The following ATP6V1D variants were observed in gnomAD, a reference collection of about 807,000 sequenced individuals.
The protein encoded by ATP6V1D is ATPase H+ transporting V1 subunit D.
ATP6V1D carries 20 observed loss-of-function variants against 39.4 expected under a neutral mutation model. That is an observed-to-expected ratio of 0.51 (90% CI 0.36 to 0.74). The LOEUF is 0.74. ATP6V1D is among the 30% of genes least tolerant of loss of function. ATP6V1D has a pLI of 0.00. For missense variants in ATP6V1D, 228 were observed against 291.6 expected (o/e 0.78, Z 1.59); for synonymous variants, 100 against 100.5 (o/e 0.99, Z 0.03).
At chr14:67,355,711 C>G (rs1354174125) in intron 1 of ATP6V1D, among the ~76,000 whole-genome samples, 1 of 151,560 alleles carries the variant, frequency 6.6e-6, no homozygotes, top group Non-Finnish European at 1.5e-5. Context: ...GAAGAATGCT[C>G]TAAATAAGGT....
intron 6 of ATP6V1D, 98 bp downstream of exon 6, chr14:67,345,670 G>C (rs1374993070): frequency 1.4e-6 from 1 of 733,302 alleles, no homozygotes; most frequent in Admixed American, 2.4e-5. Flanking sequence ...ACAGTTAAAA[G>C]TACAAAGCAC....
chr14:67,348,513 CTTCT>C (rs1259042346), intron 4 of ATP6V1D, among the ~76,000 whole-genome samples: 2 of 150,376 alleles, frequency 1.3e-5, no homozygotes, highest in African/African-American at 2.4e-5. Context: ...TGGAACCTGA[CTTCT>C]TTATTTTTTT....
At chr14:67,359,559 C>T in intron 1 of ATP6V1D, 99 bp downstream of exon 1, 1 of 1,371,806 alleles carries the variant, frequency 7.3e-7, no homozygotes, top group Non-Finnish European at 1.0e-6. Context: ...TCAGGATCCT[C>T]CCAGGAAACA....
chr14:67,356,035 G>A (rs1434773375), intron 1 of ATP6V1D, among the ~76,000 whole-genome samples: 1 of 151,942 alleles, frequency 6.6e-6, no homozygotes, highest in Non-Finnish European at 1.5e-5. Flanking sequence ...TCAACAATAA[G>A]GTTGTATAAC....
At chr14:67,355,017 G>A (rs2085676424) in intron 1 of ATP6V1D, among the ~76,000 whole-genome samples, 1 of 151,924 alleles carries the variant, frequency 6.6e-6, no homozygotes, top group Non-Finnish European at 1.5e-5. Flanking sequence ...TCTCCATGTT[G>A]GTCAGGCTGG....
At chr14:67,356,350 G>A (rs1289333272) in intron 1 of ATP6V1D, among the ~76,000 whole-genome samples, 1 of 151,760 alleles carries the variant, frequency 6.6e-6, no homozygotes, top group African/African-American at 2.4e-5. Flanking sequence ...GAACCTGGCA[G>A]GCAGAGGTTG....
chr14:67,356,364 T>C (rs2085684816), intron 1 of ATP6V1D, among the ~76,000 whole-genome samples: 1 of 150,730 alleles, frequency 6.6e-6, no homozygotes, highest in Non-Finnish European at 1.5e-5. Flanking sequence ...GAGGTTGCAG[T>C]GAGCCAAGAT....
intron 1 of ATP6V1D, among the ~76,000 whole-genome samples, chr14:67,353,287 A>T (rs2085667416): frequency 6.6e-6 from 1 of 152,216 alleles, no homozygotes; most frequent in Admixed American, 6.5e-5. Context: ...TGACTGGGTC[A>T]TCTGGGATCT....
At chr14:67,348,571 G>T (rs1467028899) in intron 4 of ATP6V1D, among the ~76,000 whole-genome samples, 2 of 151,820 alleles carry the variant, frequency 1.3e-5, no homozygotes, top group Non-Finnish European at 2.9e-5. Context: ...ACCCAGGCTG[G>T]AGTGCAGTGG....
chr14:67,358,208 T>C (rs1016839025), intron 1 of ATP6V1D, among the ~76,000 whole-genome samples: 1 of 152,174 alleles, frequency 6.6e-6, no homozygotes, highest in Admixed American at 6.5e-5. Context: ...AGTCATCACG[T>C]CCTAGGAGTT....
intron 6 of ATP6V1D, among the ~76,000 whole-genome samples, chr14:67,345,073 CT>C (rs1384013393): frequency 1.3e-5 from 2 of 151,856 alleles, no homozygotes; most frequent in Non-Finnish European, 2.9e-5. Flanking sequence ...GAAACCCCAC[CT>C]CTACAAAAAA....
intron 6 of ATP6V1D, 75 bp downstream of exon 6, chr14:67,345,693 C>T: frequency 1.0e-6 from 1 of 968,122 alleles, no homozygotes; most frequent in Non-Finnish European, 1.7e-6. Flanking sequence ...TATATGCTGA[C>T]TCAAGACCTG....
Position 67,345,774 on chromosome 14 carries a change from A to G in ATP6V1D, c.450T>C (p.Ser150=), listed in dbSNP as rs779567186. 3.7e-6 allele frequency: 6 copies of G among 1,611,660 alleles called. No individual in the cohort carries two copies. The highest frequency in any genetic ancestry group is 5.1e-6 in the Non-Finnish European group (6 of 1,177,826). The change falls in exon 6 of 9, where the codon TCT becomes TCC. Residue 150 remains serine (S), a synonymous_variant. Coordinates refer to ENST00000216442, the MANE Select transcript of ATP6V1D (RefSeq NM_015994.4). The part of the protein sequence containing the change: ...KAVELLVELA[S]LQTSFVTLDE... ...CAGGTCTTTTGCTACTTACCTGCAG[A>G]GAAGCTAGTTCCACCAGTAGTTCCA...
Position 67,350,557 on chromosome 14 carries a change from A to C in ATP6V1D, c.239+54T>G, listed in dbSNP as rs2085649171. On this transcript the variant is annotated intron_variant, in intron 3 of 8. Transcript: ENST00000216442. ...TAAAAAATGCTTTTTAAATGAAATT[A>C]TGAGACTGAAATCACTTTGTTTTGC... 8.2e-6 allele frequency: 12 copies of C among 1,458,462 alleles called. No individual in the cohort carries two copies. In the South Asian group the frequency reaches 1.4e-4, roughly 17 times the overall value. The allele number at this position is 1,458,462 out of a possible 1,614,324, so 90.3% of individuals were successfully genotyped here.
chr14:67,356,753 G>T (rs974924019), intron 1 of ATP6V1D, among the ~76,000 whole-genome samples: 1 of 152,116 alleles, frequency 6.6e-6, no homozygotes, highest in Admixed American at 6.5e-5. Flanking sequence ...AATTATCACT[G>T]GCTGACTCTG....
chr14:67,345,241 C>T (rs911040229), intron 6 of ATP6V1D, among the ~76,000 whole-genome samples: 6 of 148,648 alleles, frequency 4.0e-5, no homozygotes, highest in South Asian at 2.1e-4. Flanking sequence ...GACCCCATTT[C>T]GAAAAATAAA....
At chr14:67,358,118 T>C (rs551081807) in intron 1 of ATP6V1D, among the ~76,000 whole-genome samples, 1 of 151,994 alleles carries the variant, frequency 6.6e-6, no homozygotes, top group Non-Finnish European at 1.5e-5. Flanking sequence ...GGGGGCGGCC[T>C]GGGGTCACCC....
chr14:67,352,260 G>A (rs911214966), intron 2 of ATP6V1D, among the ~76,000 whole-genome samples: 1 of 151,902 alleles, frequency 6.6e-6, no homozygotes, highest in African/African-American at 2.4e-5. Flanking sequence ...TTGAGCCCGG[G>A]AGTCAAAAAG....
At chr14:67,344,768 G>A (rs889794428) in intron 6 of ATP6V1D, among the ~76,000 whole-genome samples, 1 of 151,854 alleles carries the variant, frequency 6.6e-6, no homozygotes. Flanking sequence ...TGTAGTCCAA[G>A]CTACTTGGGA....
Sources: allele counts gnomAD v4.1 joint callset (sites outside exome capture counted in the v4.1 genomes callset), GRCh38; gene constraint gnomAD v4.1.1; transcripts MANE v1.5; gene names NCBI Gene and HGNC (gene_info 2026-07-23, HGNC 2026-07-21).